Variants in EIF3H observed in about 807,000 individuals in gnomAD.
The protein encoded by EIF3H is eukaryotic translation initiation factor 3 subunit H, also known as eIF-3-gamma.
Under a neutral mutation model 44.2 loss-of-function variants are expected in EIF3H, and 26 were observed. The ratio of observed to expected loss-of-function variants is 0.59; its 90% confidence interval spans 0.43 to 0.82. The LOEUF is 0.82. Ranked by LOEUF, EIF3H falls within the 40% of genes least tolerant of loss-of-function variation. The pLI is 0.00. For missense variants in EIF3H, 359 were observed against 432.8 expected, an observed-to-expected ratio of 0.83 and a Z score of 1.51; for synonymous variants, 166 against 151.9, an observed-to-expected ratio of 1.09 and a Z score of -0.68.
intron 1 of EIF3H, among the ~76,000 whole-genome samples, chr8:116,753,408 T>A (rs1586497098): frequency 6.6e-6 from 1 of 152,224 alleles, no homozygotes; most frequent in Non-Finnish European, 1.5e-5. Context: ...TGATTTTTTT[T>A]ATTCGATTTC....
chr8:116,738,423 C>A (rs1026976556), intron 1 of EIF3H, among the ~76,000 whole-genome samples: 3 of 152,148 alleles, frequency 2.0e-5, no homozygotes, highest in East Asian at 1.9e-4. Context: ...CTCTTGTTAA[C>A]CTGACTCCTC....
rs146216241 is a variant in EIF3H, at chr8:116,656,826, A to C, written c.557+389T>G. Among the ~76,000 whole-genome samples, 701 of 152,236 alleles carry C rather than the reference A, an allele frequency of 4.6e-3. 3 individuals are homozygous for C. Among genetic ancestry groups the C allele is most frequent in the African/African-American group, 0.016 (664 of 41,544 alleles). ...TCTTTACCAAATTCTTAAAATGTTT[A>C]TATCTTTCCCACCCCCTCATTAAAC... is the stretch of plus-strand genomic sequence containing the variant. On this transcript the variant is annotated intron_variant, in intron 4 of 7. Coordinates refer to ENST00000521861, the MANE Select transcript of EIF3H (RefSeq NM_003756.3).
At chr8:116,656,065 A>G (rs1305366714) in intron 4 of EIF3H, 60 bp from the exon 5 acceptor site, 3 of 1,526,518 alleles carry the variant, frequency 2.0e-6, no homozygotes, top group African/African-American at 1.4e-5. Context: ...TAAACTGACT[A>G]CTTCATAAAA....
At chr8:116,708,124 ACTTC>A (rs1814502113) in intron 2 of EIF3H, among the ~76,000 whole-genome samples, 1 of 152,104 alleles carries the variant, frequency 6.6e-6, no homozygotes, top group Non-Finnish European at 1.5e-5. Context: ...GTTGATTGTC[ACTTC>A]CAAAAAGACG....
chr8:116,752,502 A>G (rs1815358872), intron 1 of EIF3H, among the ~76,000 whole-genome samples: 1 of 151,590 alleles, frequency 6.6e-6, no homozygotes, highest in South Asian at 2.1e-4. Context: ...CATCATCCCC[A>G]TTTTACAAAG....
intron 1 of EIF3H, among the ~76,000 whole-genome samples, chr8:116,747,479 T>C (rs780078616): frequency 8.5e-5 from 13 of 152,166 alleles, no homozygotes; most frequent in African/African-American, 2.9e-4. Flanking sequence ...ATAATTAAAA[T>C]AGCTAAAATG....
intron 1 of EIF3H, among the ~76,000 whole-genome samples, chr8:116,739,207 A>T (rs1815090325): frequency 6.6e-6 from 1 of 152,262 alleles, no homozygotes; most frequent in Non-Finnish European, 1.5e-5. Context: ...CTGCTTCTTA[A>T]GGACATGCTC....
intron 2 of EIF3H, among the ~76,000 whole-genome samples, chr8:116,686,123 G>A (rs1814075045): frequency 1.3e-5 from 2 of 152,074 alleles, no homozygotes; most frequent in South Asian, 4.1e-4. Flanking sequence ...TTAAACATAG[G>A]AAGTCATCAA....
rs765797308 is a variant in EIF3H at position 116,642,522 on chromosome 8, T to C, written c.*2484A>G. ...AATAATGTTATGATTATTAGATTAT[T>C]ATCAATGATTAGAAAGTTAATGTCA... On this transcript the variant is annotated 3_prime_UTR_variant, in exon 8 of 8. Coordinates refer to ENST00000521861, the MANE Select transcript of EIF3H (RefSeq NM_003756.3). The C allele has an allele frequency of 1.3e-5, 2 of 152,214 alleles. No individual in the cohort carries two copies. Among genetic ancestry groups the C allele is most frequent in the Non-Finnish European group, 2.9e-5 (2 of 68,032 alleles). 9.4% of individuals were successfully genotyped at this position (152,214 alleles called of 1,614,324 possible). A position where few individuals can be genotyped will look rare whatever the true frequency, so the allele number is the denominator to read the frequency against.
At chr8:116,721,061 C>A (rs907855577) in intron 2 of EIF3H, among the ~76,000 whole-genome samples, 6 of 152,258 alleles carry the variant, frequency 3.9e-5, no homozygotes, top group African/African-American at 2.4e-5. Context: ...GGAAAAATGT[C>A]TCCAGGGCAC....
chr8:116,755,467 C>T (rs1189093234), intron 1 of EIF3H, among the ~76,000 whole-genome samples, 199 bp downstream of exon 1: 1 of 152,188 alleles, frequency 6.6e-6, no homozygotes, highest in African/African-American at 2.4e-5. Context: ...CCTGAAGCCC[C>T]AACTGTCCCG....
intron 1 of EIF3H, among the ~76,000 whole-genome samples, chr8:116,726,459 G>A (rs529783277): frequency 1.3e-5 from 2 of 152,244 alleles, no homozygotes; most frequent in African/African-American, 4.8e-5. Context: ...CTGGCATCCA[G>A]GAGTTCCTTC....
intron 5 of EIF3H, among the ~76,000 whole-genome samples, chr8:116,653,226 T>C (rs1241812547): frequency 6.6e-6 from 1 of 152,076 alleles, no homozygotes; most frequent in South Asian, 2.1e-4. Flanking sequence ...GTACTAATAT[T>C]ATCTGCTGCA....
chr8:116,692,865 A>G (rs1435439850), intron 2 of EIF3H, among the ~76,000 whole-genome samples: 1 of 152,202 alleles, frequency 6.6e-6, no homozygotes, highest in Admixed American at 6.5e-5. Flanking sequence ...TTTCTTAATA[A>G]GCCCCAAGTT....
chr8:116,676,717 T>C (rs1813854190), intron 2 of EIF3H, among the ~76,000 whole-genome samples: 1 of 152,244 alleles, frequency 6.6e-6, no homozygotes, highest in South Asian at 2.1e-4. Flanking sequence ...ACATACGATG[T>C]TCATCCTTCA....
At chr8:116,677,634 T>C (rs996944034) in intron 2 of EIF3H, among the ~76,000 whole-genome samples, 10 of 152,348 alleles carry the variant, frequency 6.6e-5, no homozygotes, top group African/African-American at 1.9e-4. Context: ...CTTCAATCAA[T>C]AAACCTGACA....
Position 116,645,010 on chromosome 8 carries a change from T to C in EIF3H, c.1055A>G (p.Asn352Ser), listed in dbSNP as rs555416367. 11 of 1,613,398 alleles carry C rather than the reference T, an allele frequency of 6.8e-6. No individual in the cohort carries two copies. In the African/African-American group the frequency reaches 1.2e-4, roughly 18 times the overall value. Residue 352 changes from asparagine (N) to serine (S), a missense_variant, in exon 8 of 8, where the codon AAC becomes AGC. Transcript: ENST00000521861. ...TTTTCTGGAAACTTCCTTTTCTTAG[T>C]TGTTGTATTCTTGAAGAGCCTGGGC... ...FMAQALQEYN[N>S] is the part of the protein sequence containing the mutation.
intron 2 of EIF3H, among the ~76,000 whole-genome samples, chr8:116,691,176 C>G (rs915330296): frequency 6.6e-6 from 1 of 152,218 alleles, no homozygotes; most frequent in African/African-American, 2.4e-5. Context: ...GTAAAAACAA[C>G]TTTAATTTAC....
At chr8:116,720,842 CT>C (rs1202854370) in intron 2 of EIF3H, among the ~76,000 whole-genome samples, 1 of 152,044 alleles carries the variant, frequency 6.6e-6, no homozygotes, top group Non-Finnish European at 1.5e-5. Flanking sequence ...TTTAGGGTAT[CT>C]GGTGGAAAAA....
Sources: allele counts gnomAD v4.1 joint callset (sites outside exome capture counted in the v4.1 genomes callset), GRCh38; gene constraint gnomAD v4.1.1; transcripts MANE v1.5; gene names NCBI Gene and HGNC (gene_info 2026-07-23, HGNC 2026-07-21).